The following WDR64 variants were observed in gnomAD, a reference collection of about 807,000 sequenced individuals.
The protein encoded by WDR64 is WD repeat-containing protein 64.
Under a neutral mutation model 139.3 loss-of-function variants are expected in WDR64, and 112 were observed. The ratio of observed to expected loss-of-function variants is 0.80; its 90% CI spans 0.69 to 0.94. The LOEUF is 0.94. Ranked by LOEUF, WDR64 falls within the 40% of genes least tolerant of loss-of-function variation. WDR64 has a pLI of 0.00. For synonymous variants in WDR64, 444 were observed against 437.7 expected, an observed-to-expected ratio of 1.01 and a Z score of -0.18; for missense variants, 1,206 against 1,293.1, an observed-to-expected ratio of 0.93 and a Z score of 1.03.
In WDR64 at chr1:241,703,711, T is replaced by C. The variant is rs978940460; in HGVS notation, c.975-8091T>C. Reference sequence around the variant, plus strand: ...GTATTAATCCATTTTCACACTGCTATAAAGATACTATCTGAGACTCAATAA... The same window carrying C: ...GTATTAATCCATTTTCACACTGCTACAAAGATACTATCTGAGACTCAATAA... On this transcript the variant is annotated intron_variant, in intron 8 of 27. Coordinates refer to ENST00000437684, the MANE Select transcript of WDR64 (RefSeq NM_001367482.1). The surrounding 1 kb of genome is among the most constrained non-coding windows in gnomAD (Gnocchi z 5.9). Among the ~76,000 whole-genome samples, 2 of 152,162 alleles carry C rather than the reference T, an allele frequency of 1.3e-5. No homozygotes were observed. The highest frequency in any genetic ancestry group is 2.9e-5 in the Non-Finnish European group (2 of 68,028).
intron 1 of WDR64, 65 bp from the exon 2 acceptor site, chr1:241,660,465 T>G: frequency 6.6e-7 from 1 of 1,508,028 alleles, no homozygotes; most frequent in Non-Finnish European, 8.9e-7. Flanking sequence ...ATAAAAAATG[T>G]AGCTGAAATA....
Position 241,788,005 on chromosome 1 carries a change from T to C in WDR64, c.2862T>C (p.Tyr954=), listed in dbSNP as rs925353599. 6.2e-7 allele frequency: 1 copy of C among 1,600,764 alleles called. No homozygotes were observed. Among genetic ancestry groups the C allele is most frequent in the African/African-American group, 1.4e-5 (1 of 73,974 alleles). Residue 954 remains tyrosine, a synonymous_variant, in exon 24 of 28, where the codon TAT becomes TAC. Coordinates refer to ENST00000437684, the MANE Select transcript of WDR64 (RefSeq NM_001367482.1). ...GCAAGTTCACAGAGAAGCAAAAATA[T>C]GAATATCCTCTGATATTTGACCGGG... ...EESKFTEKQK[Y]EYPLIFDREK... is the part of the protein sequence containing the mutation.
intron 16 of WDR64, 21 bp downstream of exon 16, chr1:241,766,372 A>C: frequency 1.2e-6 from 2 of 1,610,264 alleles, no homozygotes; most frequent in Non-Finnish European, 1.7e-6. Flanking sequence ...TATTATCCTT[A>C]AACAATGTAA....
In WDR64 at chr1:241,706,728, A is replaced by G. The variant is rs1375292600; in HGVS notation, c.975-5074A>G. On this transcript the variant is annotated intron_variant, in intron 8 of 27. Transcript: ENST00000437684. Reference sequence around the variant, plus strand: ...GCTCTTCCATTTAGTAAAGCTTTCTATCTAGCAGTGAATTTGGTTATTTTG... The same window carrying G: ...GCTCTTCCATTTAGTAAAGCTTTCTGTCTAGCAGTGAATTTGGTTATTTTG... Among the ~76,000 whole-genome samples the G allele has an allele frequency of 2.6e-5, 4 of 152,228 alleles. No homozygotes were observed. In the East Asian group the frequency reaches 5.8e-4, roughly 22 times the overall value.
chr1:241,720,716 T>C (rs1354047779), intron 9 of WDR64, among the ~76,000 whole-genome samples: 1 of 152,184 alleles, frequency 6.6e-6, no homozygotes, highest in Non-Finnish European at 1.5e-5. Flanking sequence ...GTCAGATGGA[T>C]AGATTGCAAA....
At position 241,766,363 on chromosome 1, in the gene WDR64, ATTATCC is replaced by A. The variant is rs1417314876; in HGVS notation, c.2081+16_2081+21del. The stretch of plus-strand genomic sequence containing the variant: ...ACTGTCAAAAAAGTGTAAGTTGTGT[ATTATCC>A]TTAAACAATGTAAAAGCTTTACTGC... On this transcript the variant is annotated intron_variant, in intron 16 of 27. Transcript: ENST00000437684. 6.2e-7 allele frequency: 1 copy of A among 1,612,802 alleles called. No individual in the cohort carries two copies. Among genetic ancestry groups the A allele is most frequent in the Non-Finnish European group, 8.5e-7 (1 of 1,179,410 alleles).
chr1:241,706,870 C>CA (rs1667972066), intron 8 of WDR64, among the ~76,000 whole-genome samples: 4 of 152,090 alleles, frequency 2.6e-5, no homozygotes, highest in Non-Finnish European at 4.4e-5. Context: ...GTGTCTATTT[C>CA]AAAAAATATG....
intron 24 of WDR64, among the ~76,000 whole-genome samples, chr1:241,788,540 A>C (rs1659120071): frequency 6.6e-6 from 1 of 152,218 alleles, no homozygotes; most frequent in East Asian, 1.9e-4. Context: ...ACCAGCACTA[A>C]GGGAGCCACG....
At chr1:241,724,820 G>A (rs973811321) in intron 10 of WDR64, among the ~76,000 whole-genome samples, 3 of 152,090 alleles carry the variant, frequency 2.0e-5, no homozygotes, top group Non-Finnish European at 1.5e-5. Context: ...AGTGCCAGGC[G>A]CTGTGCTAAG....
chr1:241,690,612 C>A (rs1667182652), intron 8 of WDR64, among the ~76,000 whole-genome samples: 1 of 152,046 alleles, frequency 6.6e-6, no homozygotes, highest in African/African-American at 2.4e-5. Flanking sequence ...TGTTAGAAGA[C>A]CTACCAGCCT....
chr1:241,765,603 T>G (rs1274258146), intron 15 of WDR64, among the ~76,000 whole-genome samples: 1 of 152,140 alleles, frequency 6.6e-6, no homozygotes, highest in Non-Finnish European at 1.5e-5. Flanking sequence ...CTCCTCTTAT[T>G]TAAATGTCAC....
chr1:241,767,714 AG>A (rs60548577), intron 16 of WDR64, among the ~76,000 whole-genome samples: 23,824 of 151,984 alleles, frequency 0.16, 2,099 homozygotes, highest in African/African-American at 0.21. Flanking sequence ...TCCAAGCCTG[AG>A]TCATTTCTTT....
At chr1:241,791,975 T>C (rs1450792352) in intron 25 of WDR64, among the ~76,000 whole-genome samples, 1 of 152,216 alleles carries the variant, frequency 6.6e-6, no homozygotes, top group Non-Finnish European at 1.5e-5. Flanking sequence ...AGAACAGATA[T>C]AAAATGATTC....
intron 1 of WDR64, among the ~76,000 whole-genome samples, chr1:241,659,277 T>C (rs1275519130): frequency 1.3e-5 from 2 of 152,232 alleles, no homozygotes; most frequent in Non-Finnish European, 2.9e-5. Context: ...CCATGGTGTA[T>C]ATATACCACA....
At chr1:241,690,816 G>A (rs1379594531) in intron 8 of WDR64, among the ~76,000 whole-genome samples, 1 of 151,938 alleles carries the variant, frequency 6.6e-6, no homozygotes, top group Non-Finnish European at 1.5e-5. Flanking sequence ...AGCATCAGAG[G>A]AAGAAAAAGT....
intron 2 of WDR64, among the ~76,000 whole-genome samples, chr1:241,669,248 C>G (rs1666133193): frequency 6.6e-6 from 1 of 152,188 alleles, no homozygotes; most frequent in Non-Finnish European, 1.5e-5. Context: ...AGTCTGAACC[C>G]TGACCCTGGA....
rs954556775 is a variant in WDR64 at position 241,770,547 on chromosome 1, C to G, written c.2184-74C>G. On this transcript the variant is annotated intron_variant, in intron 17 of 27. Transcript: ENST00000437684. ...AAGAAGCAATCAGCTGAAATTAAAG[C>G]AGAGAAGCACACCCTTTGAGTATGG... is the stretch of plus-strand genomic sequence containing the variant. 9.0e-6 allele frequency: 12 copies of G among 1,338,690 alleles called. No homozygotes were observed. In the African/African-American group the frequency reaches 1.6e-4, roughly 18 times the overall value. 82.9% of individuals were successfully genotyped at this position (1,338,690 alleles called of 1,614,324 possible). A position where few individuals can be genotyped will look rare whatever the true frequency, so the allele number is the denominator to read the frequency against.
At chr1:241,779,205 C>A (rs149604848) in intron 21 of WDR64, among the ~76,000 whole-genome samples, 2 of 152,050 alleles carry the variant, frequency 1.3e-5, no homozygotes, top group African/African-American at 4.8e-5. Flanking sequence ...TTCTTGCTTG[C>A]GTTGCTTTTG....
intron 10 of WDR64, among the ~76,000 whole-genome samples, chr1:241,727,256 CAT>C (rs979931061): frequency 3.3e-5 from 5 of 152,162 alleles, no homozygotes; most frequent in African/African-American, 1.2e-4. Flanking sequence ...AAACTAAAAA[CAT>C]GTTACGATTG....
Sources: gnomAD v4.1 joint callset for allele counts (sites outside exome capture counted in the v4.1 genomes callset) on GRCh38, gnomAD v4.1.1 for gene constraint, Gnocchi (gnomAD v3.1) non-coding constraint, MANE v1.5 for transcripts, NCBI Gene and HGNC (gene_info 2026-07-23, HGNC 2026-07-21) for gene names.